ZNF740: variants seen among roughly 807,000 people sequenced by gnomAD.
ZNF740 encodes zinc finger protein 740.
A neutral mutation model predicts 24.8 loss-of-function variants in ZNF740; 14 were observed. That is an observed-to-expected ratio of 0.56 (90% CI 0.37 to 0.88). The LOEUF (loss-of-function observed/expected upper bound fraction) is 0.88, where lower values mean the gene tolerates loss of function less well. Among genes scored for constraint, ZNF740 ranks in the 40% least tolerant of loss-of-function variants. ZNF740 has a pLI of 0.00. For missense variants in ZNF740, 201 were observed against 247.9 expected (o/e 0.81, Z 1.27); for synonymous variants, 69 against 84.0 (o/e 0.82, Z 0.98).
chr12:53,194,021 C>A lies in ZNF740; in HGVS notation c.*6431C>A. On this transcript the variant is annotated 3_prime_UTR_variant, in exon 7 of 7. Coordinates refer to ENST00000416904, the MANE Select transcript of ZNF740 (RefSeq NM_001004304.4). ...GAAGGGATGGGGTCATGTTAACACC[C>A]AACTCCTAGAAACATGCCTGAGGAA... 1.5e-6 allele frequency: 2 copies of A among 1,300,494 alleles called. No homozygotes were observed. The highest frequency in any genetic ancestry group is 1.4e-5 in the South Asian group (1 of 71,934). The allele number at this position is 1,300,494 out of a possible 1,614,324, so 80.6% of individuals were successfully genotyped here. A position where few individuals can be genotyped will look rare whatever the true frequency, so the allele number is the denominator to read the frequency against.
rs61754162 is a variant in ZNF740 at position 53,192,752 on chromosome 12, C to T, written c.*5162C>T. The T allele has an allele frequency of 4.9e-3, 7,910 of 1,614,220 alleles. 91 individuals are homozygous for T. The highest frequency in any genetic ancestry group is 0.024 in the South Asian group (2,230 of 91,088). ...TGGTCGCATAGAGCACCATAGTAGCCGTCCAAGCACTGGCAGCGGTTGCAT... is the reference window on the plus strand; with the variant it reads ...TGGTCGCATAGAGCACCATAGTAGCTGTCCAAGCACTGGCAGCGGTTGCAT... On this transcript the variant is annotated 3_prime_UTR_variant, in exon 7 of 7. Transcript: ENST00000416904.
In ZNF740 at chr12:53,190,334, G is replaced by A. The variant is rs987445889; in HGVS notation, c.*2744G>A. 1.3e-5 allele frequency: 2 copies of A among 152,734 alleles called. No homozygotes were observed. Among genetic ancestry groups the A allele is most frequent in the African/African-American group, 4.8e-5 (2 of 41,446 alleles). The allele number at this position is 152,734 out of a possible 1,614,324, so 9.5% of individuals were successfully genotyped here. On this transcript the variant is annotated 3_prime_UTR_variant, in exon 7 of 7. Transcript: ENST00000416904. ...GGCCTAGCACTGGAAGATGCCTCAG[G>A]TGTGTTTGGAGTGGGGGAAACGGAA...
rs754093851 is a variant in ZNF740, at chr12:53,187,566, T to C, written c.558T>C (p.Thr186=). The C allele has an allele frequency of 1.9e-6, 3 of 1,613,876 alleles. No individual in the cohort carries two copies. Among genetic ancestry groups the C allele is most frequent in the East Asian group, 2.2e-5 (1 of 44,902 alleles). The change falls in exon 7 of 7, where the codon ACT becomes ACC. Residue 186 remains threonine (T), a synonymous_variant. Coordinates refer to ENST00000416904, the MANE Select transcript of ZNF740 (RefSeq NM_001004304.4). ...TGTGCCAAGGGTGCCAGTCCAAGAC[T>C]TCCGACGGGCAGTTTTCTCTATAGG... is the stretch of plus-strand genomic sequence containing the variant. ...KRMCQGCQSK[T]SDGQFSL
Position 53,193,026 on chromosome 12 carries a change from A to AC in ZNF740, c.*5436_*5437insC. ...TTGAAGTATGCCAACCACACCCTCTAACCCATACACCGGAATCTTTTGATA... is the reference window on the plus strand; with the variant it reads ...TTGAAGTATGCCAACCACACCCTCTACACCCATACACCGGAATCTTTTGATA... On this transcript the variant is annotated 3_prime_UTR_variant, in exon 7 of 7. Transcript: ENST00000416904. 2 of 1,358,708 alleles carry AC rather than the reference A, an allele frequency of 1.5e-6. No homozygotes were observed. Among genetic ancestry groups the AC allele is most frequent in the Non-Finnish European group, 2.1e-6 (2 of 973,310 alleles). 84.2% of individuals were successfully genotyped at this position (1,358,708 alleles called of 1,614,324 possible).
chr12:53,186,638 G>A (rs758799108), intron 6 of ZNF740, 129 bp downstream of exon 6: 10 of 660,166 alleles, frequency 1.5e-5, no homozygotes, highest in Non-Finnish European at 2.3e-5. Flanking sequence ...ACATCGGGGT[G>A]AAGTGCATCT....
rs1941659582 is a variant in ZNF740, at chr12:53,181,915, A to T, written c.-69A>T. The T allele has an allele frequency of 6.3e-7, 1 of 1,576,362 alleles. No individual in the cohort carries two copies. The highest frequency in any genetic ancestry group is 1.8e-5 in the Admixed American group (1 of 54,282). Reference sequence around the variant, plus strand: ...GATTTGGTGACAGTTCTTCAAAACGACAGTGTCTCAAGGAAAGGTGGACCT... The same window carrying T: ...GATTTGGTGACAGTTCTTCAAAACGTCAGTGTCTCAAGGAAAGGTGGACCT... On this transcript the variant is annotated 5_prime_UTR_variant, in exon 2 of 7. Coordinates refer to ENST00000416904, the MANE Select transcript of ZNF740 (RefSeq NM_001004304.4).
chr12:53,186,432 A>T lies in ZNF740; in HGVS notation c.415A>T (p.Ile139Phe). 1.9e-6 allele frequency: 3 copies of T among 1,591,994 alleles called. No individual in the cohort carries two copies. The highest frequency in any genetic ancestry group is 2.6e-6 in the Non-Finnish European group (3 of 1,168,620). The change falls in exon 6 of 7, where the codon ATC becomes TTC. Residue 139 changes from isoleucine to phenylalanine, a missense_variant. Ile to Phe is a conservative substitution (Grantham distance 21, BLOSUM62 0). Coordinates refer to ENST00000416904, the MANE Select transcript of ZNF740 (RefSeq NM_001004304.4). ...FECDICDMRF[I>F]QKYHLERHKR... Reference sequence around the variant, plus strand: ...ATGCGATATATGTGATATGCGTTTCATCCAGAAGTACCACCTGGAACGCCA... The same window carrying T: ...ATGCGATATATGTGATATGCGTTTCTTCCAGAAGTACCACCTGGAACGCCA...
At position 53,189,646 on chromosome 12, in the gene ZNF740, C is replaced by T. The variant is rs1941890360; in HGVS notation, c.*2056C>T. ...CACTCCCATTTGATGTGGTCCAGAA[C>T]TTAGACCTCAGTCCTTGGATCAGCC... On this transcript the variant is annotated 3_prime_UTR_variant, in exon 7 of 7. Coordinates refer to ENST00000416904, the MANE Select transcript of ZNF740 (RefSeq NM_001004304.4). The T allele has an allele frequency of 6.6e-6, 1 of 152,126 alleles. No homozygotes were observed. The highest frequency in any genetic ancestry group is 1.5e-5 in the Non-Finnish European group (1 of 68,044). The allele number at this position is 152,126 out of a possible 1,614,324, so 9.4% of individuals were successfully genotyped here.
In ZNF740 at chr12:53,181,480, C is replaced by T. The variant is rs576827198; in HGVS notation, c.-307-197C>T. On this transcript the variant is annotated intron_variant, in intron 1 of 6. Transcript: ENST00000416904. ...GTTCCTCCATAGGAGGCCCCAATTA[C>T]TTTTGCTCCTGTTGGCTTCCACTCC... 4.1e-6 allele frequency: 4 copies of T among 985,408 alleles called. No homozygotes were observed. The African/African-American group carries it at 5.2e-5, about 13-fold the overall frequency. The allele number at this position is 985,408 out of a possible 1,614,324, so 61.0% of individuals were successfully genotyped here.
rs1371020426 is a variant in ZNF740 at position 53,180,791 on chromosome 12, G to A, written c.-354G>A. Reference sequence around the variant, plus strand: ...TTGGCAGGGTGTGCTGGGGCCTGGAGGAGGCGCCGCGCGGCCAGGGAGCCA... The same window carrying A: ...TTGGCAGGGTGTGCTGGGGCCTGGAAGAGGCGCCGCGCGGCCAGGGAGCCA... On this transcript the variant is annotated 5_prime_UTR_variant, in exon 1 of 7. Transcript: ENST00000416904. 2.4e-6 allele frequency: 3 copies of A among 1,273,122 alleles called. No individual in the cohort carries two copies. The highest frequency in any genetic ancestry group is 3.2e-5 in the African/African-American group (2 of 63,470). The allele number at this position is 1,273,122 out of a possible 1,614,324, so 78.9% of individuals were successfully genotyped here.
Position 53,192,314 on chromosome 12 carries a change from A to G in ZNF740, c.*4724A>G, listed in dbSNP as rs1941984241. The G allele has an allele frequency of 6.2e-7, 1 of 1,612,944 alleles. No homozygotes were observed. Among genetic ancestry groups the G allele is most frequent in the South Asian group, 1.1e-5 (1 of 91,066 alleles). ...CCATCAAACTTCCAGGGTTTGTGGC[A>G]TCCCTGCCCACTTACTTTCTTGGGG... On this transcript the variant is annotated 3_prime_UTR_variant, in exon 7 of 7. Coordinates refer to ENST00000416904, the MANE Select transcript of ZNF740 (RefSeq NM_001004304.4).
Position 53,192,202 on chromosome 12 carries a change from G to A in ZNF740, c.*4612G>A, listed in dbSNP as rs1941978934. The stretch of plus-strand genomic sequence containing the variant: ...CTCGTCCACTTGCTCAATTGCCTCT[G>A]CCTTTGTCCTGGATTCACAGTTCTG... On this transcript the variant is annotated 3_prime_UTR_variant, in exon 7 of 7. Transcript: ENST00000416904. The A allele has an allele frequency of 8.1e-7, 1 of 1,229,658 alleles. No homozygotes were observed. The highest frequency in any genetic ancestry group is 1.1e-6 in the Non-Finnish European group (1 of 871,272). 76.2% of individuals were successfully genotyped at this position (1,229,658 alleles called of 1,614,324 possible).
At chr12:53,181,152 C>T (rs1373159275) in intron 1 of ZNF740, 1 of 984,470 alleles carries the variant, frequency 1.0e-6, no homozygotes, top group African/African-American at 1.7e-5. Context: ...GGCTGGCTGG[C>T]CGGAGCGAGG....
In ZNF740 at chr12:53,193,149, G is replaced by T. The variant is rs1238225561; in HGVS notation, c.*5559G>T. On this transcript the variant is annotated 3_prime_UTR_variant, in exon 7 of 7. Coordinates refer to ENST00000416904, the MANE Select transcript of ZNF740 (RefSeq NM_001004304.4). The stretch of plus-strand genomic sequence containing the variant: ...CCAAGGCTCCAGGTACCTCCGCAGA[G>T]GATGCCCTCATGTCGCTCACAGCTG... The T allele has an allele frequency of 6.2e-7, 1 of 1,609,746 alleles. No homozygotes were observed. The highest frequency in any genetic ancestry group is 8.5e-7 in the Non-Finnish European group (1 of 1,176,680).
At chr12:53,186,179 A>G (rs553679058) in intron 5 of ZNF740, 102 bp downstream of exon 5, 2 of 1,425,942 alleles carry the variant, frequency 1.4e-6, no homozygotes, top group East Asian at 2.3e-5. Context: ...GGTAAGTATT[A>G]GAAATGAAGG....
chr12:53,192,188 G>T lies in ZNF740; in HGVS notation c.*4598G>T. 8.4e-7 allele frequency: 1 copy of T among 1,193,828 alleles called. No homozygotes were observed. Among genetic ancestry groups the T allele is most frequent in the Non-Finnish European group, 1.2e-6 (1 of 845,118 alleles). 74.0% of individuals were successfully genotyped at this position (1,193,828 alleles called of 1,614,324 possible). A position where few individuals can be genotyped will look rare whatever the true frequency, so the allele number is the denominator to read the frequency against. The stretch of plus-strand genomic sequence containing the variant: ...CCCAGGGCCTTAGCCTCGTCCACTT[G>T]CTCAATTGCCTCTGCCTTTGTCCTG... On this transcript the variant is annotated 3_prime_UTR_variant, in exon 7 of 7. Coordinates refer to ENST00000416904, the MANE Select transcript of ZNF740 (RefSeq NM_001004304.4).
rs1462301253 is a variant in ZNF740 at position 53,188,621 on chromosome 12, A to C, written c.*1031A>C. ...GGGTCTTCTGACATGCCTGTTGAGC[A>C]GTAGGAGCTGTTCTCCCTCCCCAAG... On this transcript the variant is annotated 3_prime_UTR_variant, in exon 7 of 7. Coordinates refer to ENST00000416904, the MANE Select transcript of ZNF740 (RefSeq NM_001004304.4). 6.6e-6 allele frequency: 1 copy of C among 152,424 alleles called. No homozygotes were observed. The highest frequency in any genetic ancestry group is 2.4e-5 in the African/African-American group (1 of 41,444). 9.4% of individuals were successfully genotyped at this position (152,424 alleles called of 1,614,324 possible).
chr12:53,186,225 G>A (rs980962063), intron 5 of ZNF740, 148 bp downstream of exon 5: 1 of 1,248,504 alleles, frequency 8.0e-7, no homozygotes, highest in African/African-American at 1.5e-5. Flanking sequence ...AGATTGCATG[G>A]CTTTGTATCT....
rs898006526 is a variant in ZNF740, at chr12:53,194,628, A to C, written c.*7038A>C. ...CAGGTGCTGTAAATGTACAGAGACC[A>C]TGTTTGTGAAGCCCCACATCAGGAC... On this transcript the variant is annotated 3_prime_UTR_variant, in exon 7 of 7. Transcript: ENST00000416904. The C allele has an allele frequency of 2.9e-6, 1 of 349,204 alleles. No individual in the cohort carries two copies. Among genetic ancestry groups the C allele is most frequent in the Non-Finnish European group, 5.4e-6 (1 of 184,678 alleles). 21.6% of individuals were successfully genotyped at this position (349,204 alleles called of 1,614,324 possible). A position where few individuals can be genotyped will look rare whatever the true frequency, so the allele number is the denominator to read the frequency against.
Sources: allele counts gnomAD v4.1 joint callset, GRCh38; gene constraint gnomAD v4.1.1; transcripts MANE v1.5; gene names NCBI Gene and HGNC (gene_info 2026-07-23, HGNC 2026-07-21).